FABP7: variants seen among roughly 807,000 people sequenced by gnomAD.
FABP7 encodes fatty acid binding protein 7.
In FABP7, 13 loss-of-function variants were observed where a neutral mutation model predicts 14.2. The observed-to-expected ratio is 0.91, with a 90% confidence interval of 0.59 to 1.45. FABP7 has a LOEUF of 1.45. Ranked by LOEUF, FABP7 falls within the 40% of genes most tolerant of loss-of-function variation. The pLI is 0.00. For missense variants in FABP7, 149 were observed against 157.6 expected (o/e 0.95, Z 0.29); for synonymous variants, 49 against 51.4 (o/e 0.95, Z 0.20).
chr6:122,753,784 G>GCCCC, the FABP7 span, among the ~76,000 whole-genome samples: 10 of 35,556 alleles, frequency 2.8e-4, no homozygotes, highest in South Asian at 7.6e-4. Flanking sequence ...TCCAAATCCC[G>GCCCC]CCCCCCCCCC....
intron 3 of FABP7, chr6:122,781,795 C>A: frequency 4.0e-6 from 3 of 741,306 alleles, no homozygotes; most frequent in Non-Finnish European, 4.9e-6. Flanking sequence ...GACTGGAGTG[C>A]AGGGGGTGCA....
intron 3 of FABP7, chr6:122,781,623 A>G (rs558372363): frequency 1.8e-6 from 2 of 1,106,328 alleles, no homozygotes; most frequent in African/African-American, 1.6e-5. Flanking sequence ...GAGATCTTTA[A>G]ACAGTTTATA....
At chr6:122,756,793 A>G in the FABP7 span, among the ~76,000 whole-genome samples, 3 of 152,160 alleles carry the variant, frequency 2.0e-5, no homozygotes, top group African/African-American at 7.2e-5. Context: ...GTCTTTCCCA[A>G]CTTCTCATCA....
chr6:122,751,309 A>T, the FABP7 span, among the ~76,000 whole-genome samples: 2 of 152,226 alleles, frequency 1.3e-5, no homozygotes, highest in Admixed American at 6.5e-5. Context: ...TGTAAACTAC[A>T]TGCCTGGTCC....
the FABP7 span, among the ~76,000 whole-genome samples, chr6:122,763,819 T>A: frequency 6.6e-6 from 1 of 152,072 alleles, no homozygotes; most frequent in African/African-American, 2.4e-5. Context: ...ATCAGAGAAA[T>A]GCAAATCAAA....
chr6:122,776,905 A>G (rs1005977498), upstream of FABP7, among the ~76,000 whole-genome samples: 1 of 152,286 alleles, frequency 6.6e-6, no homozygotes, highest in East Asian at 1.9e-4. Context: ...CTATTACAAG[A>G]TTAATATGCA....
intron 3 of FABP7, chr6:122,782,362 C>T (rs1780812004): frequency 3.8e-6 from 2 of 524,324 alleles, no homozygotes; most frequent in Non-Finnish European, 4.9e-6. Flanking sequence ...CTTGCTTCTT[C>T]CTACTTCCCG....
In FABP7 at chr6:122,780,271, T is replaced by G. The variant is rs1780750837; in HGVS notation, c.74-20T>G. ...TTTTGGAAGTCGCTGCAGACTGTAC[T>G]GTTCCCTTTGCTATTTTAGGCGTGG... On this transcript the variant is annotated intron_variant, in intron 1 of 3. Transcript: ENST00000368444. The G allele has an allele frequency of 6.2e-7, 1 of 1,613,820 alleles. No individual in the cohort carries two copies. Among genetic ancestry groups the G allele is most frequent in the East Asian group, 2.2e-5 (1 of 44,872 alleles).
the FABP7 span, among the ~76,000 whole-genome samples, chr6:122,762,647 G>T: frequency 6.6e-6 from 1 of 152,174 alleles, no homozygotes; most frequent in African/African-American, 2.4e-5. Flanking sequence ...AAACCCCATC[G>T]TCTCAGCCCA....
At chr6:122,758,282 A>G in the FABP7 span, among the ~76,000 whole-genome samples, 2 of 151,888 alleles carry the variant, frequency 1.3e-5, no homozygotes, top group African/African-American at 2.4e-5. Flanking sequence ...TAATTTTTGT[A>G]TTTTTAGTAG....
chr6:122,770,325 A>ATC, the FABP7 span, among the ~76,000 whole-genome samples: 1 of 152,050 alleles, frequency 6.6e-6, no homozygotes, highest in African/African-American at 2.4e-5. Context: ...AGCATATTTC[A>ATC]TCTTTAGGGT....
At chr6:122,777,582 T>C (rs78518132), upstream of FABP7, among the ~76,000 whole-genome samples, 1,731 of 152,266 alleles carry the variant, frequency 0.011, 32 homozygotes, top group African/African-American at 0.039. Flanking sequence ...TCTAAGGTAA[T>C]GCAAGGCAAG....
the FABP7 span, among the ~76,000 whole-genome samples, chr6:122,765,591 A>G: frequency 4.1e-4 from 62 of 152,090 alleles, no homozygotes; most frequent in Admixed American, 1.8e-3. Context: ...ATGTCTCTGC[A>G]TTCTGAAAGT....
At chr6:122,783,090 C>A in intron 3 of FABP7, 1 of 985,336 alleles carries the variant, frequency 1.0e-6, no homozygotes, top group Non-Finnish European at 1.2e-6. Context: ...CCATGAGCAC[C>A]AAAACCCCCT....
At chr6:122,756,139 T>A in the FABP7 span, among the ~76,000 whole-genome samples, 1 of 152,070 alleles carries the variant, frequency 6.6e-6, no homozygotes, top group Admixed American at 6.5e-5. Flanking sequence ...CCTGGAGACA[T>A]GAGTAAACAA....
the FABP7 span, among the ~76,000 whole-genome samples, chr6:122,755,134 G>A: frequency 1.3e-5 from 2 of 151,556 alleles, no homozygotes; most frequent in Admixed American, 1.3e-4. Flanking sequence ...TACTCACCTT[G>A]CCAATACTTG....
upstream of FABP7, among the ~76,000 whole-genome samples, chr6:122,778,799 A>G (rs1449794470): frequency 2.0e-5 from 3 of 152,130 alleles, no homozygotes; most frequent in Non-Finnish European, 4.4e-5. Context: ...ACAAATGTAC[A>G]CAGATTGTAT....
chr6:122,770,975 G>A, the FABP7 span, among the ~76,000 whole-genome samples: 12 of 152,238 alleles, frequency 7.9e-5, no homozygotes, highest in South Asian at 2.5e-3. Context: ...ATATACTTGT[G>A]TAAGACTAGA....
At chr6:122,752,164 G>A in the FABP7 span, among the ~76,000 whole-genome samples, 32 of 152,096 alleles carry the variant, frequency 2.1e-4, no homozygotes, top group African/African-American at 6.8e-4. Context: ...AAAGGCAAAG[G>A]AGCAAATATA....
Sources: gnomAD v4.1 joint callset for allele counts (sites outside exome capture counted in the v4.1 genomes callset) on GRCh38, gnomAD v4.1.1 for gene constraint, MANE v1.5 for transcripts, NCBI Gene and HGNC (gene_info 2026-07-23, HGNC 2026-07-21) for gene names.